VSTM2B: variants seen among roughly 807,000 people sequenced by gnomAD.
VSTM2B encodes the protein V-set and transmembrane domain-containing protein 2B.
A neutral mutation model predicts 24.0 loss-of-function variants in VSTM2B; 24 were observed. The observed-to-expected ratio is 1.00, with a 90% CI of 0.72 to 1.40. VSTM2B has a LOEUF of 1.40. VSTM2B is among the 40% of genes most tolerant of loss of function. The pLI, the probability that VSTM2B is intolerant of heterozygous loss-of-function variation, is 0.00. For missense variants in VSTM2B, 399 were observed against 416.4 expected (o/e 0.96, Z 0.36); for synonymous variants, 226 against 194.4 (o/e 1.16, Z -1.35).
chr19:29,530,254 G>T lies in VSTM2B; in HGVS notation c.733G>T (p.Gly245Ter). 2.7e-6 allele frequency: 4 copies of T among 1,503,450 alleles called. No individual in the cohort carries two copies. Among genetic ancestry groups the T allele is most frequent in the Non-Finnish European group, 3.5e-6 (4 of 1,133,322 alleles). The allele number at this position is 1,503,450 out of a possible 1,614,324, so 93.1% of individuals were successfully genotyped here. A position where few individuals can be genotyped will look rare whatever the true frequency, so the allele number is the denominator to read the frequency against. The part of the protein sequence containing the change: ...AAASSASPPS[G>*]QAVLLRQRHG... Reference sequence around the variant, plus strand: ...TGCCTCGTCAGCGTCGCCGCCATCGGGACAGGCGGTCCTGCTGCGCCAGAG... The same window carrying T: ...TGCCTCGTCAGCGTCGCCGCCATCGTGACAGGCGGTCCTGCTGCGCCAGAG... The change falls in exon 4 of 5, where the codon GGA (glycine) becomes TGA (stop). Residue 245 changes from glycine to a stop codon, truncating the protein, a stop_gained. Transcript: ENST00000335523. LOFTEE classifies it high-confidence loss of function.
intron 4 of VSTM2B, among the ~76,000 whole-genome samples, chr19:29,534,443 A>G (rs548138753): frequency 2.0e-5 from 3 of 152,320 alleles, no homozygotes; most frequent in African/African-American, 7.2e-5. Context: ...GGCCAGGCAC[A>G]GTGGCTCACG....
chr19:29,537,383 A>G (rs973704656), intron 4 of VSTM2B, among the ~76,000 whole-genome samples: 2 of 152,156 alleles, frequency 1.3e-5, no homozygotes, highest in Non-Finnish European at 1.5e-5. Flanking sequence ...CTGCTTGCAG[A>G]CAGCAGCACC....
At chr19:29,531,769 G>A (rs1323301460) in intron 4 of VSTM2B, among the ~76,000 whole-genome samples, 2 of 152,234 alleles carry the variant, frequency 1.3e-5, no homozygotes, top group Non-Finnish European at 2.9e-5. Context: ...ATCACTAGGT[G>A]CTGTGACAAA....
chr19:29,529,781 A>G (rs1969684660), intron 3 of VSTM2B, 38 bp from the exon 4 acceptor site: 4 of 1,538,260 alleles, frequency 2.6e-6, no homozygotes. Flanking sequence ...TAGGTTTGGG[A>G]GCTGCCCAGC....
At chr19:29,532,335 G>A (rs545316304) in intron 4 of VSTM2B, among the ~76,000 whole-genome samples, 45 of 152,274 alleles carry the variant, frequency 3.0e-4, no homozygotes, top group African/African-American at 1.0e-3. Flanking sequence ...CTGCTTTCGG[G>A]CCTCATCTCT....
rs189703764 is a variant in VSTM2B, at chr19:29,559,779, G to A, written c.770-4067G>A. ...CTTTTCTGTAACATCTATTTGCATG[G>A]CACTTGACTCTGTTTGAGGCGCTGT... On this transcript the variant is annotated intron_variant, in intron 4 of 4. Transcript: ENST00000335523. Among the ~76,000 whole-genome samples, 304 of 152,264 alleles carry A rather than the reference G, an allele frequency of 2.0e-3. 4 individuals are homozygous for A. The highest frequency in any genetic ancestry group is 0.016 in the Admixed American group (241 of 15,294).
chr19:29,532,073 T>G (rs1375668071), intron 4 of VSTM2B, among the ~76,000 whole-genome samples: 1 of 152,266 alleles, frequency 6.6e-6, no homozygotes, highest in South Asian at 2.1e-4. Context: ...ATCAACTTGT[T>G]TCATATGCAT....
chr19:29,526,262 C>T lies in VSTM2B; in HGVS notation c.-322C>T, dbSNP rs1308648694. ...CGGCGCGGCCCAGCCCCTGCCCGGC[C>T]CGCCGGGCAGAGACTGAACCGCGGA... On this transcript the variant is annotated 5_prime_UTR_variant, in exon 1 of 5. Transcript: ENST00000335523. The surrounding 1 kb of genome is among the most constrained non-coding windows in gnomAD (Gnocchi z 4.1). 6.6e-6 allele frequency among the ~76,000 whole-genome samples: 1 copy of T among 151,908 alleles called. No homozygotes were observed. Among genetic ancestry groups the T allele is most frequent in the African/African-American group, 2.4e-5 (1 of 41,382 alleles).
chr19:29,542,593 T>G (rs1261266525), intron 4 of VSTM2B, among the ~76,000 whole-genome samples: 1 of 151,678 alleles, frequency 6.6e-6, no homozygotes, highest in Non-Finnish European at 1.5e-5. Context: ...AATGAATGGA[T>G]GGATGGATGG....
intron 4 of VSTM2B, among the ~76,000 whole-genome samples, chr19:29,560,555 G>T (rs1235131977): frequency 6.6e-6 from 1 of 152,068 alleles, no homozygotes; most frequent in Non-Finnish European, 1.5e-5. Flanking sequence ...CTGGCCACCT[G>T]TACAGACATC....
At chr19:29,548,851 C>T (rs1049259253) in intron 4 of VSTM2B, among the ~76,000 whole-genome samples, 1 of 152,222 alleles carries the variant, frequency 6.6e-6, no homozygotes, top group African/African-American at 2.4e-5. Flanking sequence ...AGGCCTGGCA[C>T]ATAGAGTGCA....
At chr19:29,547,677 G>T (rs1359476973) in intron 4 of VSTM2B, among the ~76,000 whole-genome samples, 2 of 152,218 alleles carry the variant, frequency 1.3e-5, no homozygotes, top group African/African-American at 2.4e-5. Flanking sequence ...GGTAGCAGAA[G>T]AGAAGAAGGC....
intron 4 of VSTM2B, among the ~76,000 whole-genome samples, chr19:29,543,828 A>G (rs927254941): frequency 7.2e-5 from 11 of 152,176 alleles, no homozygotes; most frequent in African/African-American, 2.7e-4. Flanking sequence ...AAATATGGAC[A>G]GGTCCCCCAG....
intron 4 of VSTM2B, among the ~76,000 whole-genome samples, chr19:29,546,432 C>T (rs1338975202): frequency 6.6e-6 from 1 of 152,092 alleles, no homozygotes; most frequent in Non-Finnish European, 1.5e-5. Context: ...GTCAAGTCAC[C>T]CAACCTCTCT....
At chr19:29,543,028 C>T (rs899485595) in intron 4 of VSTM2B, among the ~76,000 whole-genome samples, 1 of 152,142 alleles carries the variant, frequency 6.6e-6, no homozygotes, top group African/African-American at 2.4e-5. Flanking sequence ...AATCCCTCAG[C>T]CTTTAGGGAC....
At chr19:29,540,344 G>A (rs1055238466) in intron 4 of VSTM2B, among the ~76,000 whole-genome samples, 2 of 152,268 alleles carry the variant, frequency 1.3e-5, no homozygotes, top group African/African-American at 4.8e-5. Flanking sequence ...AGGCACAAGA[G>A]GGGCTCAGAA....
intron 4 of VSTM2B, among the ~76,000 whole-genome samples, chr19:29,560,445 G>C (rs1157535707): frequency 6.6e-6 from 1 of 152,188 alleles, no homozygotes; most frequent in East Asian, 1.9e-4. Flanking sequence ...CATCTCTCCA[G>C]TGCCAGCCCA....
Position 29,563,849 on chromosome 19 carries a change from C to T in VSTM2B, c.773C>T (p.Thr258Ile), listed in dbSNP as rs998336221. ...VLLRQRHGSGTGRSYTTDPLL... is the reference protein window; with the variant it reads ...VLLRQRHGSGIGRSYTTDPLL... Reference sequence around the variant, plus strand: ...CCTGTTTTCTCATCCCCTGCAGGCACCGGCCGTAGCTACACCACAGACCCA... The same window carrying T: ...CCTGTTTTCTCATCCCCTGCAGGCATCGGCCGTAGCTACACCACAGACCCA... Residue 258 changes from threonine to isoleucine, a missense_variant, in exon 5 of 5, where the codon ACC becomes ATC. Thr to Ile is a moderately conservative substitution (Grantham distance 89). Coordinates refer to ENST00000335523, the MANE Select transcript of VSTM2B (RefSeq NM_001146339.2). 1.2e-5 allele frequency: 18 copies of T among 1,552,280 alleles called. No individual in the cohort carries two copies. The African/African-American group carries it at 2.2e-4, about 19-fold the overall frequency.
At chr19:29,529,771 T>C (rs35700860) in intron 3 of VSTM2B, 48 bp from the exon 4 acceptor site, 442,589 of 1,522,164 alleles carry the variant, frequency 0.29, 68,968 homozygotes, top group East Asian at 0.53. Flanking sequence ...GCCAGAAGAG[T>C]AGGTTTGGGA....
Sources: allele counts gnomAD v4.1 joint callset (sites outside exome capture counted in the v4.1 genomes callset), GRCh38; gene constraint gnomAD v4.1.1; non-coding constraint Gnocchi (gnomAD v3.1); transcripts MANE v1.5; gene names NCBI Gene and HGNC (gene_info 2026-07-23, HGNC 2026-07-21).